NUP50: variants seen among roughly 807,000 people sequenced by gnomAD.
The protein encoded by NUP50 is nucleoporin 50.
In NUP50, 14 loss-of-function variants were observed where a neutral mutation model predicts 36.8. The observed-to-expected ratio is 0.38, with a 90% CI of 0.25 to 0.59. NUP50 has a LOEUF of 0.59. Ranked by LOEUF, NUP50 falls within the 20% of genes least tolerant of loss-of-function variation. The pLI, the probability that NUP50 is intolerant of heterozygous loss-of-function variation, is 0.63. For missense variants in NUP50, 455 were observed against 564.6 expected (o/e 0.81, Z 1.97); for synonymous variants, 195 against 210.8 (o/e 0.93, Z 0.65).
intron 3 of NUP50, among the ~76,000 whole-genome samples, chr22:45,173,256 T>G (rs1258465820): frequency 1.3e-5 from 2 of 152,238 alleles, no homozygotes; most frequent in Non-Finnish European, 2.9e-5. Flanking sequence ...TATATACTTA[T>G]GGTGTACAAC....
chr22:45,167,566 C>G (rs563652980), intron 1 of NUP50, among the ~76,000 whole-genome samples: 1 of 152,160 alleles, frequency 6.6e-6, no homozygotes, highest in Non-Finnish European at 1.5e-5. Context: ...CCATGTTAAT[C>G]ATTTTGGACT....
chr22:45,171,758 G>GA (rs1172803836), intron 3 of NUP50, 75 bp downstream of exon 3: 1 of 1,117,942 alleles, frequency 8.9e-7, no homozygotes, highest in African/African-American at 1.6e-5. Context: ...CCTCCGCTGG[G>GA]AGCAATGATA....
chr22:45,181,232 C>T (rs2074366489), intron 5 of NUP50, 54 bp from the exon 6 acceptor site: 1 of 1,231,968 alleles, frequency 8.1e-7, no homozygotes, highest in Admixed American at 2.6e-5. Context: ...ACTTCAGTCA[C>T]TTCTTTAAGC....
intron 2 of NUP50, chr22:45,170,843 A>G (rs2074180385): frequency 5.2e-6 from 2 of 387,878 alleles, no homozygotes. Flanking sequence ...TGGAAAGATT[A>G]CATTTAGTTA....
At chr22:45,183,291 G>A (rs923221059) in intron 6 of NUP50, 111 bp from the exon 7 acceptor site, 60 of 681,654 alleles carry the variant, frequency 8.8e-5, no homozygotes, top group Non-Finnish European at 9.0e-5. Flanking sequence ...GAAGCTTCCT[G>A]TACTCATTTA....
At chr22:45,180,328 T>C (rs971393833) in intron 5 of NUP50, 3 of 152,232 alleles carry the variant, frequency 2.0e-5, no homozygotes, top group Non-Finnish European at 4.4e-5. Flanking sequence ...TTGGTGAGTT[T>C]TTATGCAACT....
In NUP50 at chr22:45,181,322, T is replaced by C. The variant is rs746637765; in HGVS notation, c.1040T>C (p.Val347Ala). 3 of 1,594,030 alleles carry C rather than the reference T, an allele frequency of 1.9e-6. No individual in the cohort carries two copies. The highest frequency in any genetic ancestry group is 1.7e-4 in the Middle Eastern group (1 of 5,964). ...DEEENDEPPK[V>A]VVTEVKEEDA... The stretch of plus-strand genomic sequence containing the variant: ...GAAGAGAATGATGAGCCACCCAAAG[T>C]AGTAGTTACCGAAGTAAAAGAAGAA... The change falls in exon 6 of 8, where the codon GTA becomes GCA. Residue 347 changes from valine to alanine, a missense_variant. Coordinates refer to ENST00000347635, the MANE Select transcript of NUP50 (RefSeq NM_007172.4).
intron 2 of NUP50, among the ~76,000 whole-genome samples, chr22:45,170,339 A>C (rs2074169136): frequency 7.1e-6 from 1 of 141,526 alleles, no homozygotes; most frequent in Non-Finnish European, 1.5e-5. Context: ...TTCGAGGAGA[A>C]CACCCGCAAA....
intron 5 of NUP50, among the ~76,000 whole-genome samples, chr22:45,179,541 A>G (rs1313352555): frequency 6.6e-6 from 1 of 152,160 alleles, no homozygotes; most frequent in Non-Finnish European, 1.5e-5. Context: ...CTGCTTCCTC[A>G]CATGGTGGTT....
chr22:45,183,808 T>C (rs2074422424), intron 7 of NUP50: 2 of 316,584 alleles, frequency 6.3e-6, no homozygotes, highest in South Asian at 4.3e-5. Context: ...GAAATTAACC[T>C]TTTAAAGGAA....
intron 2 of NUP50, among the ~76,000 whole-genome samples, chr22:45,170,616 T>C (rs1388779093): frequency 6.6e-6 from 1 of 152,186 alleles, no homozygotes; most frequent in African/African-American, 2.4e-5. Flanking sequence ...CCCAAGGATG[T>C]GAGTGTTTTG....
chr22:45,173,444 G>A (rs1373645913), intron 3 of NUP50, among the ~76,000 whole-genome samples: 1 of 151,160 alleles, frequency 6.6e-6, no homozygotes, highest in Non-Finnish European at 1.5e-5. Flanking sequence ...CTCTTTCACT[G>A]GGAAGATACA....
rs1429327485 is a variant in NUP50, at chr22:45,184,456, A to G, written c.1208A>G (p.Asn403Ser). Reference protein sequence around the residue: ...LLVRADTNLGNILLNVLIPPN... With the variant: ...LLVRADTNLGSILLNVLIPPN... ...GGTTTTGTTTGTTTGAATGCAGGCA[A>G]CATATTGCTGAACGTTCTGATTCCA... The change falls in exon 8 of 8, where the codon AAC (asparagine) becomes AGC (serine). Residue 403 changes from asparagine to serine, a missense_variant. Transcript: ENST00000347635. 1.2e-6 allele frequency: 2 copies of G among 1,613,932 alleles called. No individual in the cohort carries two copies. The highest frequency in any genetic ancestry group is 2.2e-5 in the East Asian group (1 of 44,886).
At chr22:45,171,753 G>T in intron 3 of NUP50, 70 bp downstream of exon 3, 2 of 1,163,406 alleles carry the variant, frequency 1.7e-6, no homozygotes, top group Non-Finnish European at 2.6e-6. Flanking sequence ...CAATCCCTCC[G>T]CTGGGAGCAA....
In NUP50 at chr22:45,187,749, C is replaced by T. The variant is rs780726730; in HGVS notation, c.*3094C>T. ...AGCAGGCACTCAGAACACAGGTCAC[C>T]GTATGTTCTCAGCCAGTAACAATCA... On this transcript the variant is annotated 3_prime_UTR_variant, in exon 8 of 8. Coordinates refer to ENST00000347635, the MANE Select transcript of NUP50 (RefSeq NM_007172.4). The T allele has an allele frequency of 2.0e-5, 3 of 152,406 alleles. No individual in the cohort carries two copies. Among genetic ancestry groups the T allele is most frequent in the South Asian group, 2.1e-4 (1 of 4,830 alleles). The allele number at this position is 152,406 out of a possible 1,614,324, so 9.4% of individuals were successfully genotyped here.
rs1463369066 is a variant in NUP50, at chr22:45,168,218, A to G, written c.41A>G (p.Asn14Ser). The G allele has an allele frequency of 6.2e-7, 1 of 1,612,042 alleles. No individual in the cohort carries two copies. The highest frequency in any genetic ancestry group is 1.3e-5 in the African/African-American group (1 of 74,796). ...RNAEKELTDR[N>S]WDQEDEAEEV... ...GCCGAGAAGGAACTGACAGATAGGAATTGGGATCAAGAAGATGAAGCTGAA... is the reference window on the plus strand; with the variant it reads ...GCCGAGAAGGAACTGACAGATAGGAGTTGGGATCAAGAAGATGAAGCTGAA... Residue 14 changes from asparagine to serine, a missense_variant, in exon 2 of 8, where the codon AAT becomes AGT. By Grantham distance (46) the Asn-to-Ser change is conservative (BLOSUM62 1). This residue lies in a region of NUP50 where 166 missense variants were observed against 202.8 expected (regional missense o/e 0.82). Coordinates refer to ENST00000347635, the MANE Select transcript of NUP50 (RefSeq NM_007172.4).
intron 3 of NUP50, among the ~76,000 whole-genome samples, chr22:45,175,414 G>T (rs2074261460): frequency 6.6e-6 from 1 of 152,232 alleles, no homozygotes; most frequent in Non-Finnish European, 1.5e-5. Flanking sequence ...TAGGCTGAAA[G>T]CAGTTGCAAG....
chr22:45,177,610 A>G (rs1465545765), intron 4 of NUP50: 1 of 152,866 alleles, frequency 6.5e-6, no homozygotes, highest in Non-Finnish European at 1.5e-5. Context: ...GCTGTTTGAA[A>G]TAGGCATCCT....
In NUP50 at chr22:45,186,179, T is replaced by A. The variant is rs189514545; in HGVS notation, c.*1524T>A. 6.6e-6 allele frequency: 1 copy of A among 152,234 alleles called. No homozygotes were observed. Among genetic ancestry groups the A allele is most frequent in the Admixed American group, 6.5e-5 (1 of 15,274 alleles). 9.4% of individuals were successfully genotyped at this position (152,234 alleles called of 1,614,324 possible). A position where few individuals can be genotyped will look rare whatever the true frequency, so the allele number is the denominator to read the frequency against. On this transcript the variant is annotated 3_prime_UTR_variant, in exon 8 of 8. Transcript: ENST00000347635. The stretch of plus-strand genomic sequence containing the variant: ...AGTGTTTTGATTCCACTGGGAGAAT[T>A]TGGCCTAGTGTGTGGCTTTGGATGA...
Sources: gnomAD v4.1 joint callset for allele counts (sites outside exome capture counted in the v4.1 genomes callset) on GRCh38, gnomAD v4.1.1 for gene constraint, gnomAD v4.1.1 regional missense constraint, MANE v1.5 for transcripts, NCBI Gene and HGNC (gene_info 2026-07-23, HGNC 2026-07-21) for gene names.